GSTM3: variants seen among roughly 807,000 people sequenced by gnomAD.
The protein encoded by GSTM3 is glutathione S-transferase mu 3, also known as GST class-mu 3.
In GSTM3, 34 loss-of-function variants were observed where a neutral mutation model predicts 36.1. The ratio of observed to expected loss-of-function variants is 0.94; its 90% CI spans 0.72 to 1.25. The LOEUF (loss-of-function observed/expected upper bound fraction) is 1.25, where lower values mean the gene tolerates loss of function less well. Among genes scored for constraint, GSTM3 ranks in the 50% most tolerant of loss-of-function variants. The pLI is 0.00. For synonymous variants in GSTM3, 102 were observed against 99.5 expected (o/e 1.03, Z -0.15); for missense variants, 266 against 281.6 (o/e 0.94, Z 0.40).
At chr1:109,737,223 G>A in intron 8 of GSTM3, 54 bp from the exon 9 acceptor site, 1 of 1,224,146 alleles carries the variant, frequency 8.2e-7, no homozygotes, top group East Asian at 2.3e-5. Context: ...TCCAACAGAT[G>A]CATACCAGAA....
chr1:109,737,728 C>T lies in GSTM3; in HGVS notation c.396G>A (p.Leu132=), dbSNP rs973413196. The change falls in exon 7 of 9, where the codon TTG becomes TTA. Residue 132 remains leucine (L), a synonymous_variant. Transcript: ENST00000361066. ...SDHEKLKPQY[L]EELPGQLKQF... is the part of the protein sequence containing the mutation. The stretch of plus-strand genomic sequence containing the variant: ...GTTTCAGTTGTCCAGGTAGCTCTTC[C>T]AAGTACTGAGGCTTCAGTTTTTCCT... 1.1e-5 allele frequency: 17 copies of T among 1,602,988 alleles called. No individual in the cohort carries two copies. Among genetic ancestry groups the T allele is most frequent in the Non-Finnish European group, 1.4e-5 (16 of 1,173,322 alleles).
chr1:109,740,274 G>A lies in GSTM3; in HGVS notation c.14C>T (p.Ser5Leu). The A allele has an allele frequency of 6.2e-7, 1 of 1,613,454 alleles. No individual in the cohort carries two copies. Reference protein sequence around the residue: MSCESSMVLGYWDIR... With the variant: MSCELSMVLGYWDIR... ...ATCCCAGTACCCGAGAACCATAGAC[G>A]ACTCGCACGACATGGTGACGGGCTT... Residue 5 changes from serine (S) to leucine (L), a missense_variant, in exon 2 of 9, where the codon TCG becomes TTG. By Grantham distance (145) the Ser-to-Leu change is moderately radical. Coordinates refer to ENST00000361066, the MANE Select transcript of GSTM3 (RefSeq NM_000849.5).
At chr1:109,740,197 A>C in intron 2 of GSTM3, 43 bp downstream of exon 2, 1 of 1,561,372 alleles carries the variant, frequency 6.4e-7, no homozygotes, top group Non-Finnish European at 8.8e-7. Flanking sequence ...TCTCCGCGTC[A>C]GTCTCTTTGA....
chr1:109,740,057 C>A, intron 2 of GSTM3, 149 bp from the exon 3 acceptor site: 1 of 862,344 alleles, frequency 1.2e-6, no homozygotes, highest in Non-Finnish European at 1.8e-6. Context: ...GGCGTGGTCT[C>A]CTCCGCCCCT....
chr1:109,739,793 A>G lies in GSTM3; in HGVS notation c.124+40T>C, dbSNP rs542242504. 9 of 1,450,884 alleles carry G rather than the reference A, an allele frequency of 6.2e-6. No individual in the cohort carries two copies. In the East Asian group the frequency reaches 2.0e-4, roughly 32 times the overall value. 89.9% of individuals were successfully genotyped at this position (1,450,884 alleles called of 1,614,324 possible). A position where few individuals can be genotyped will look rare whatever the true frequency, so the allele number is the denominator to read the frequency against. ...GGCGTAAGAAGACCAGGGCAGGTGG[A>G]GGGCCAGCTTGGCTGCACGGGCACG... On this transcript the variant is annotated intron_variant, in intron 3 of 8. Transcript: ENST00000361066.
At chr1:109,739,950 AT>A in intron 2 of GSTM3, 42 bp from the exon 3 acceptor site, 1 of 1,416,442 alleles carries the variant, frequency 7.1e-7, no homozygotes, top group Admixed American at 2.0e-5. Flanking sequence ...GCTCCCACCC[AT>A]TCCCAACCCC....
Position 109,739,571 on chromosome 1 carries a change from C to A in GSTM3, c.125-78G>T. ...AAGAGCAAAAGATCTAAAGAAATGA[C>A]TTGGTCCCAATACCTCAAATTCCCA... is the stretch of plus-strand genomic sequence containing the variant. On this transcript the variant is annotated intron_variant, in intron 3 of 8. Coordinates refer to ENST00000361066, the MANE Select transcript of GSTM3 (RefSeq NM_000849.5). 3 of 1,107,538 alleles carry A rather than the reference C, an allele frequency of 2.7e-6. No homozygotes were observed. In the South Asian group the frequency reaches 3.9e-5, roughly 14 times the overall value. The allele number at this position is 1,107,538 out of a possible 1,614,324, so 68.6% of individuals were successfully genotyped here. A position where few individuals can be genotyped will look rare whatever the true frequency, so the allele number is the denominator to read the frequency against.
chr1:109,739,996 G>C (rs1384130137), intron 2 of GSTM3, 88 bp from the exon 3 acceptor site: 2 of 1,120,902 alleles, frequency 1.8e-6, no homozygotes, highest in African/African-American at 3.1e-5. Flanking sequence ...GGGCTGCCGA[G>C]TCCCTGCGTC....
Position 109,740,231 on chromosome 1 carries a change from G to C in GSTM3, c.48+9C>G. 15 of 1,612,038 alleles carry C rather than the reference G, an allele frequency of 9.3e-6. No homozygotes were observed. The highest frequency in any genetic ancestry group is 1.3e-5 in the Non-Finnish European group (15 of 1,178,406). ...GACCGAGCGGCTCTACCGTTGAGAC[G>C]GCACTCACCCCACGAATATCCCAGT... is the stretch of plus-strand genomic sequence containing the variant. On this transcript the variant is annotated intron_variant, in intron 2 of 8. Coordinates refer to ENST00000361066, the MANE Select transcript of GSTM3 (RefSeq NM_000849.5).
chr1:109,740,413 C>T lies in GSTM3; in HGVS notation c.-126G>A, dbSNP rs1649345439. On this transcript the variant is annotated 5_prime_UTR_variant, in exon 2 of 9. Coordinates refer to ENST00000361066, the MANE Select transcript of GSTM3 (RefSeq NM_000849.5). ...TCCGCCTCCGCCCCGTTCTCCGTCC[C>T]TTGCCTCCGCGGCTCCACAGGGCCG... 2 of 796,508 alleles carry T rather than the reference C, an allele frequency of 2.5e-6. No homozygotes were observed. The highest frequency in any genetic ancestry group is 3.4e-5 in the South Asian group (2 of 59,382). The allele number at this position is 796,508 out of a possible 1,614,324, so 49.3% of individuals were successfully genotyped here.
chr1:109,739,343 CCTT>C, intron 4 of GSTM3, 83 bp downstream of exon 4: 1 of 810,562 alleles, frequency 1.2e-6, no homozygotes. Context: ...TATTTTGCAT[CCTT>C]CTGTACCAGG....
At chr1:109,739,625 T>TA in intron 3 of GSTM3, 132 bp from the exon 4 acceptor site, 1 of 768,422 alleles carries the variant, frequency 1.3e-6, no homozygotes, top group South Asian at 1.6e-5. Context: ...ATTGAGCCTC[T>TA]GAGCCCTATT....
intron 4 of GSTM3, 100 bp downstream of exon 4, chr1:109,739,328 TC>T (rs1438153802): frequency 4.4e-6 from 3 of 680,292 alleles, no homozygotes; most frequent in Admixed American, 4.4e-5. Context: ...CGGGTTAAGA[TC>T]CCCTATTTTG....
At position 109,735,633 on chromosome 1, in the gene GSTM3, G is replaced by GAGTTTTTTTTTTTTTTTTTTTTTTTT. The variant is rs747271780; in HGVS notation, c.*1437_*1438insAAAAAAAAAAAAAAAAAAAAAAAACT. 3.3e-5 allele frequency: 2 copies of GAGTTTTTTTTTTTTTTTTTTTTTTTT among 60,720 alleles called. 1 individual carries two copies. The highest frequency in any genetic ancestry group is 7.0e-5 in the Non-Finnish European group (2 of 28,564). The allele number at this position is 60,720 out of a possible 1,614,324, so 3.8% of individuals were successfully genotyped here. A position where few individuals can be genotyped will look rare whatever the true frequency, so the allele number is the denominator to read the frequency against. ...CATCTTAGTATATGTCTCTTTGAATGTTTTTTTTTTTTTTTTTTTTTTTTT... is the reference window on the plus strand; with the variant it reads ...CATCTTAGTATATGTCTCTTTGAATGAGTTTTTTTTTTTTTTTTTTTTTTTTTTTTTTTTTTTTTTTTTTTTTTTTT... On this transcript the variant is annotated 3_prime_UTR_variant, in exon 9 of 9. Transcript: ENST00000361066.
Position 109,736,116 on chromosome 1 carries a change from T to C in GSTM3, c.*955A>G, listed in dbSNP as rs1258311046. 1 of 152,264 alleles carries C rather than the reference T, an allele frequency of 6.6e-6. No individual in the cohort carries two copies. The highest frequency in any genetic ancestry group is 1.5e-5 in the Non-Finnish European group (1 of 68,044). 9.4% of individuals were successfully genotyped at this position (152,264 alleles called of 1,614,324 possible). On this transcript the variant is annotated 3_prime_UTR_variant, in exon 9 of 9. Transcript: ENST00000361066. ...TTTACTCATCGGATAGAAGGAAATATGGTTTCTCACTGTTGTAATTGATAA... is the reference window on the plus strand; with the variant it reads ...TTTACTCATCGGATAGAAGGAAATACGGTTTCTCACTGTTGTAATTGATAA...
At chr1:109,740,095 T>C in intron 2 of GSTM3, 145 bp downstream of exon 2, 1 of 906,708 alleles carries the variant, frequency 1.1e-6, no homozygotes, top group South Asian at 1.5e-5. Flanking sequence ...TCCCAGAGGC[T>C]GGGCAGGGGT....
At chr1:109,738,060 C>T (rs766032923) in intron 6 of GSTM3, 31 bp downstream of exon 6, 2 of 1,398,256 alleles carry the variant, frequency 1.4e-6, no homozygotes, top group East Asian at 2.3e-5. Flanking sequence ...TCTGATACTC[C>T]ATTCAGCAGA....
At chr1:109,740,142 C>A in intron 2 of GSTM3, 98 bp downstream of exon 2, 1 of 1,146,736 alleles carries the variant, frequency 8.7e-7, no homozygotes, top group Non-Finnish European at 1.3e-6. Context: ...AAGGCTCCCG[C>A]GTAGAGCTGC....
chr1:109,738,271 C>CCCA lies in GSTM3; in HGVS notation c.271+13_271+14insTGG. The stretch of plus-strand genomic sequence containing the variant: ...TACCAGCCTGGGGTCCCTCACCAGC[C>CCCA]CTACCCCACTCACACATGTTGTGCT... On this transcript the variant is annotated intron_variant, in intron 5 of 8. Coordinates refer to ENST00000361066, the MANE Select transcript of GSTM3 (RefSeq NM_000849.5). 1 of 1,609,430 alleles carries CCCA rather than the reference C, an allele frequency of 6.2e-7. No individual in the cohort carries two copies. Among genetic ancestry groups the CCCA allele is most frequent in the Non-Finnish European group, 8.5e-7 (1 of 1,175,616 alleles).
Sources: allele counts gnomAD v4.1 joint callset, GRCh38; gene constraint gnomAD v4.1.1; transcripts MANE v1.5; gene names NCBI Gene and HGNC (gene_info 2026-07-23, HGNC 2026-07-21).